The following NEK11 variants were observed in gnomAD, a reference collection of about 807,000 sequenced individuals.
NEK11 encodes the protein NIMA related kinase 11, also known as serine/threonine-protein kinase Nek11.
In NEK11, 72 loss-of-function variants were observed where a neutral mutation model predicts 80.7. The ratio of observed to expected loss-of-function variants is 0.89; its 90% CI spans 0.74 to 1.08. The LOEUF is 1.08. Ranked by LOEUF, NEK11 falls within the 50% of genes least tolerant of loss-of-function variation. The pLI, the probability that NEK11 is intolerant of heterozygous loss-of-function variation, is 0.00. For synonymous variants in NEK11, 251 were observed against 260.7 expected (o/e 0.96, Z 0.36); for missense variants, 764 against 763.6 (o/e 1.00, Z -0.01).
At chr3:131,198,139 G>A (rs1363079028) in intron 14 of NEK11, among the ~76,000 whole-genome samples, 1 of 152,110 alleles carries the variant, frequency 6.6e-6, no homozygotes, top group Non-Finnish European at 1.5e-5. Flanking sequence ...AGTGAGGGCT[G>A]TTAGTTTTGC....
chr3:131,055,348 G>T (rs2069260052), intron 3 of NEK11, among the ~76,000 whole-genome samples: 1 of 152,162 alleles, frequency 6.6e-6, no homozygotes, highest in Non-Finnish European at 1.5e-5. Context: ...CAAAGTCTCT[G>T]TTCTCAGGGA....
chr3:131,228,958 T>G (rs2095273641), intron 15 of NEK11, among the ~76,000 whole-genome samples: 1 of 152,152 alleles, frequency 6.6e-6, no homozygotes, highest in Non-Finnish European at 1.5e-5. Flanking sequence ...ACACACCATA[T>G]TCCCACTGAG....
chr3:131,247,259 A>G (rs540232349), intron 16 of NEK11, among the ~76,000 whole-genome samples: 1 of 152,208 alleles, frequency 6.6e-6, no homozygotes, highest in African/African-American at 2.4e-5. Flanking sequence ...TCGGTCTTAC[A>G]TTTAAGTCTT....
At chr3:131,273,360 T>C (rs1480514787) in intron 16 of NEK11, 118 bp from the exon 17 acceptor site, 4 of 655,662 alleles carry the variant, frequency 6.1e-6, no homozygotes, top group Non-Finnish European at 1.1e-5. Flanking sequence ...CTCTAATTAA[T>C]GTAGCATTAC....
chr3:131,299,502 T>C (rs2096637178), intron 17 of NEK11, among the ~76,000 whole-genome samples: 1 of 151,588 alleles, frequency 6.6e-6, no homozygotes, highest in Non-Finnish European at 1.5e-5. Flanking sequence ...CCTTGATAGG[T>C]AGTTTTTGAT....
At chr3:131,190,173 A>G (rs2093739144) in intron 14 of NEK11, among the ~76,000 whole-genome samples, 1 of 152,216 alleles carries the variant, frequency 6.6e-6, no homozygotes, top group South Asian at 2.1e-4. Context: ...ATTCTTTAGC[A>G]GCAAATGAAC....
chr3:131,311,391 A>G (rs2096781045), intron 17 of NEK11, among the ~76,000 whole-genome samples: 1 of 152,162 alleles, frequency 6.6e-6, no homozygotes, highest in Non-Finnish European at 1.5e-5. Flanking sequence ...CCATTAACCA[A>G]CCTTTGTTCA....
intron 17 of NEK11, chr3:131,329,058 A>C (rs1367703694): frequency 6.6e-6 from 1 of 152,226 alleles, no homozygotes; most frequent in Non-Finnish European, 1.5e-5. Flanking sequence ...TCCCTTCTGC[A>C]TAGAATCCCT....
intron 17 of NEK11, among the ~76,000 whole-genome samples, 199 bp downstream of exon 17, chr3:131,273,773 T>A (rs1449750873): frequency 6.6e-6 from 1 of 152,218 alleles, no homozygotes. Context: ...TTAGGGAAGT[T>A]TGGCAAGAAT....
At chr3:131,202,710 A>T (rs2094288284) in intron 14 of NEK11, among the ~76,000 whole-genome samples, 2 of 152,192 alleles carry the variant, frequency 1.3e-5, no homozygotes, top group South Asian at 2.1e-4. Flanking sequence ...GAATCTACAA[A>T]GAACTTAAAC....
Position 131,350,090 on chromosome 3 carries a change from G to A in NEK11, c.*314G>A. 1 of 295,536 alleles carries A rather than the reference G, an allele frequency of 3.4e-6. No individual in the cohort carries two copies. The highest frequency in any genetic ancestry group is 2.2e-5 in the African/African-American group (1 of 45,542). The allele number at this position is 295,536 out of a possible 1,614,324, so 18.3% of individuals were successfully genotyped here. On this transcript the variant is annotated 3_prime_UTR_variant, in exon 18 of 18. Transcript: ENST00000383366. ...TTGAGTCACCCTGACGATGACCGGG[G>A]AGAAGCCGTGTGCTCTTCATTATTT...
At chr3:131,142,507 C>G (rs2087167333) in intron 7 of NEK11, among the ~76,000 whole-genome samples, 1 of 151,990 alleles carries the variant, frequency 6.6e-6, no homozygotes, top group African/African-American at 2.4e-5. Flanking sequence ...AAATGTGAAG[C>G]AGTTCATGCC....
At chr3:131,265,249 A>G (rs184653675) in intron 16 of NEK11, among the ~76,000 whole-genome samples, 115 of 152,254 alleles carry the variant, frequency 7.6e-4, no homozygotes, top group Non-Finnish European at 1.3e-3. Context: ...TTCCAATACT[A>G]TGTTGAATAG....
intron 17 of NEK11, among the ~76,000 whole-genome samples, chr3:131,296,775 A>G (rs1405302713): frequency 2.0e-5 from 3 of 152,066 alleles, no homozygotes; most frequent in African/African-American, 7.2e-5. Flanking sequence ...CTCGTCATTT[A>G]GCATTAGGTA....
chr3:131,289,372 G>A (rs2096518874), intron 17 of NEK11, among the ~76,000 whole-genome samples: 1 of 152,192 alleles, frequency 6.6e-6, no homozygotes, highest in Non-Finnish European at 1.5e-5. Context: ...TGGGAGTTAG[G>A]ACTTCAACAT....
intron 10 of NEK11, among the ~76,000 whole-genome samples, chr3:131,156,552 A>G (rs923924830): frequency 1.5e-4 from 23 of 152,274 alleles, no homozygotes; most frequent in African/African-American, 5.5e-4. Flanking sequence ...CCCTCATGCT[A>G]AATTTTATTG....
chr3:131,237,005 G>A (rs1444935032), intron 15 of NEK11, among the ~76,000 whole-genome samples: 1 of 152,186 alleles, frequency 6.6e-6, no homozygotes, highest in Non-Finnish European at 1.5e-5. Flanking sequence ...GACACCATTT[G>A]TGGGAGAGTA....
At chr3:131,290,788 G>C (rs1037493708) in intron 17 of NEK11, among the ~76,000 whole-genome samples, 3 of 151,936 alleles carry the variant, frequency 2.0e-5, no homozygotes, top group Non-Finnish European at 4.4e-5. Context: ...TTTTTAAAAG[G>C]TGTCTTTAGT....
At chr3:131,082,706 A>G (rs2075446005) in intron 4 of NEK11, among the ~76,000 whole-genome samples, 1 of 152,246 alleles carries the variant, frequency 6.6e-6, no homozygotes, top group East Asian at 1.9e-4. Context: ...GAAAAAATTT[A>G]TAATTTTAAT....
Sources: allele counts gnomAD v4.1 joint callset (sites outside exome capture counted in the v4.1 genomes callset), GRCh38; gene constraint gnomAD v4.1.1; transcripts MANE v1.5; gene names NCBI Gene and HGNC (gene_info 2026-07-23, HGNC 2026-07-21).